OPA3: variants seen among roughly 807,000 people sequenced by gnomAD.
OPA3 encodes the protein outer mitochondrial membrane lipid metabolism regulator OPA3.
Under a neutral mutation model 4.0 loss-of-function variants are expected in OPA3, and 6 were observed. The ratio of observed to expected loss-of-function variants is 1.51; its 90% CI spans 0.83 to 2.99. The LOEUF (loss-of-function observed/expected upper bound fraction) is 2.99. OPA3 is among the 30% of genes most tolerant of loss of function. OPA3 has a pLI of 0.00. For missense variants in OPA3, 235 were observed against 256.2 expected (o/e 0.92, Z 0.56); for synonymous variants, 105 against 117.1 (o/e 0.90, Z 0.67).
chr19:45,535,767 T>C (rs75784071), intron 1 of OPA3, among the ~76,000 whole-genome samples: 85 of 108,368 alleles, frequency 7.8e-4, no homozygotes, highest in Non-Finnish European at 1.0e-3. Context: ...CTTTTCTTTT[T>C]TTTTTTTTTT....
At chr19:45,564,478 T>C (rs1057086034) in intron 1 of OPA3, among the ~76,000 whole-genome samples, 1 of 152,170 alleles carries the variant, frequency 6.6e-6, no homozygotes, top group African/African-American at 2.4e-5. Flanking sequence ...AGTGCCACAC[T>C]GAAAACAAGC....
chr19:45,583,009 G>C (rs1969878626), intron 1 of OPA3, among the ~76,000 whole-genome samples: 1 of 152,204 alleles, frequency 6.6e-6, no homozygotes, highest in African/African-American at 2.4e-5. Flanking sequence ...TAGCTTGGAG[G>C]TTAGAAGCAA....
downstream of OPA3, among the ~76,000 whole-genome samples, chr19:45,545,430 CT>C (rs1969238061): frequency 1.3e-5 from 2 of 151,792 alleles, no homozygotes; most frequent in Non-Finnish European, 2.9e-5. Flanking sequence ...ACTCTGGAGG[CT>C]GACATGGGAG....
At chr19:45,574,075 C>T (rs1296043873) in intron 1 of OPA3, among the ~76,000 whole-genome samples, 2 of 144,784 alleles carry the variant, frequency 1.4e-5, no homozygotes, top group African/African-American at 2.6e-5. Context: ...AAAGCCTGGG[C>T]AACAAAGTTA....
At chr19:45,545,965 C>T (rs1226166866), downstream of OPA3, among the ~76,000 whole-genome samples, 1 of 152,012 alleles carries the variant, frequency 6.6e-6, no homozygotes, top group African/African-American at 2.4e-5. Flanking sequence ...CCTCCCACCT[C>T]GGCCTCCCTA....
intron 1 of OPA3, among the ~76,000 whole-genome samples, chr19:45,571,900 A>C (rs1231134396): frequency 6.6e-6 from 1 of 151,922 alleles, no homozygotes; most frequent in East Asian, 1.9e-4. Flanking sequence ...TCCTTTCTAG[A>C]AGTTTTGTTT....
chr19:45,568,260 G>C (rs951955641), intron 1 of OPA3, among the ~76,000 whole-genome samples: 1 of 152,064 alleles, frequency 6.6e-6, no homozygotes, highest in Non-Finnish European at 1.5e-5. Flanking sequence ...CACAATCTCG[G>C]CTCACTGCAA....
intron 1 of OPA3, among the ~76,000 whole-genome samples, chr19:45,575,685 C>A (rs1171934542): frequency 1.3e-5 from 2 of 152,170 alleles, no homozygotes; most frequent in East Asian, 3.9e-4. Flanking sequence ...CAGCTCACTG[C>A]AGCCTCATTC....
At chr19:45,533,395 C>T (rs1969081053) in intron 1 of OPA3, among the ~76,000 whole-genome samples, 1 of 152,038 alleles carries the variant, frequency 6.6e-6, no homozygotes, top group Admixed American at 6.6e-5. Context: ...GGGGTTTCAC[C>T]AAGTTAGCCA....
chr19:45,531,068 G>A (rs1366598179), intron 1 of OPA3, among the ~76,000 whole-genome samples: 2 of 149,580 alleles, frequency 1.3e-5, no homozygotes, highest in African/African-American at 4.9e-5. Context: ...GGGATTACAG[G>A]CATGAGCTAC....
intron 1 of OPA3, among the ~76,000 whole-genome samples, chr19:45,541,134 T>C (rs1193678483): frequency 7.2e-5 from 11 of 152,110 alleles, no homozygotes; most frequent in Non-Finnish European, 1.6e-4. Flanking sequence ...TGCCATACAA[T>C]GTCACTGGGA....
chr19:45,573,535 G>A (rs1191859437), intron 1 of OPA3, among the ~76,000 whole-genome samples: 1 of 152,086 alleles, frequency 6.6e-6, no homozygotes, highest in Non-Finnish European at 1.5e-5. Context: ...TATGTTTTAT[G>A]GATCTTAATA....
intron 1 of OPA3, among the ~76,000 whole-genome samples, chr19:45,572,295 AT>A (rs1969680244): frequency 7.9e-6 from 1 of 126,478 alleles, no homozygotes; most frequent in Non-Finnish European, 1.8e-5. Context: ...ATCGATATAT[AT>A]CTCATATATA....
At chr19:45,562,694 T>C (rs968411789) in intron 1 of OPA3, among the ~76,000 whole-genome samples, 1 of 151,928 alleles carries the variant, frequency 6.6e-6, no homozygotes, top group African/African-American at 2.4e-5. Context: ...TCAAAAAAAA[T>C]ATAAATAAAT....
At chr19:45,567,361 A>C (rs1484356146) in intron 1 of OPA3, among the ~76,000 whole-genome samples, 1 of 151,516 alleles carries the variant, frequency 6.6e-6, no homozygotes, top group East Asian at 1.9e-4. Flanking sequence ...AAAAAAAAGA[A>C]GAAGAAGAAA....
chr19:45,530,515 G>T (rs112088626), intron 1 of OPA3, among the ~76,000 whole-genome samples: 14 of 150,526 alleles, frequency 9.3e-5, no homozygotes, highest in South Asian at 6.3e-4. Context: ...TGTATGTATG[G>T]TTTTTTTTTA....
chr19:45,534,363 A>C (rs1356745491), intron 1 of OPA3, among the ~76,000 whole-genome samples: 1 of 151,978 alleles, frequency 6.6e-6, no homozygotes, highest in Non-Finnish European at 1.5e-5. Context: ...GGAGTTCCAG[A>C]CCAGCCTGGC....
chr19:45,530,927 C>CTTTTTTTTTTTTTTTTTTTTTT (rs71173176), intron 1 of OPA3, among the ~76,000 whole-genome samples: 1 of 35,412 alleles, frequency 2.8e-5, no homozygotes, highest in Non-Finnish European at 5.3e-5. Context: ...ATGTCACCTA[C>CTTTTTTTTTTTTTTTTTTTTTT]TTTTTTTTTT....
downstream of OPA3, among the ~76,000 whole-genome samples, chr19:45,543,754 CTG>C (rs1379204678): frequency 6.6e-6 from 1 of 152,128 alleles, no homozygotes; most frequent in Non-Finnish European, 1.5e-5. Flanking sequence ...GGTGTGAACA[CTG>C]CAACTGGCCA....
Sources: allele counts gnomAD v4.1 joint callset (sites outside exome capture counted in the v4.1 genomes callset), GRCh38; gene constraint gnomAD v4.1.1; transcripts MANE v1.5; gene names NCBI Gene and HGNC (gene_info 2026-07-23, HGNC 2026-07-21).